Variants in FRMPD4 observed in about 807,000 individuals in gnomAD.
FRMPD4 encodes FERM and PDZ domain containing 4, also known as FERM and PDZ domain-containing protein 4.
Under a neutral mutation model 94.1 loss-of-function variants are expected in FRMPD4, and 22 were observed. The observed-to-expected ratio is 0.23, with a 90% CI of 0.17 to 0.33. The LOEUF (loss-of-function observed/expected upper bound fraction) is 0.33. Ranked by LOEUF, FRMPD4 falls within the 10% of genes least tolerant of loss-of-function variation. FRMPD4 has a pLI of 1.00. For missense variants in FRMPD4, 1,111 were observed against 1,339.9 expected (o/e 0.83, Z 2.67); for synonymous variants, 631 against 548.6 (o/e 1.15, Z -2.10).
At chrX:12,449,914 G>A (rs113134498) in intron 1 of FRMPD4, among the ~76,000 whole-genome samples, 1 of 109,834 alleles carries the variant, frequency 9.1e-6, no homozygotes, top group Admixed American at 9.6e-5. Context: ...TCTTGAGCCT[G>A]GGAGGTGGAG....
rs2042095460 is a variant in FRMPD4 at position 12,716,791 on chromosome X, G to A, written c.2332G>A (p.Asp778Asn). The change falls in exon 15 of 17, where the codon GAT (aspartate) becomes AAT (asparagine). Residue 778 changes from aspartate (D) to asparagine (N), a missense_variant. Physicochemically the swap from Asp to Asn is conservative, Grantham distance 23. This residue lies in a region of FRMPD4 where 3 missense variants were observed against 16.8 expected (regional missense o/e 0.18). Transcript: ENST00000675598. The part of the protein sequence containing the change: ...PAILNLSGSS[D>N]DIIDLTSLPP... The stretch of plus-strand genomic sequence containing the variant: ...CATCCTCAACCTGTCTGGGTCAAGC[G>A]ATGACATCATTGACCTCACATCCCT... The A allele has an allele frequency of 1.7e-6, 2 of 1,208,690 alleles. No individual in the cohort carries two copies. The highest frequency in any genetic ancestry group is 3.0e-5 in the East Asian group (1 of 33,766).
intron 2 of FRMPD4, among the ~76,000 whole-genome samples, chrX:12,532,487 A>T (rs1256150027): frequency 8.9e-6 from 1 of 111,798 alleles, no homozygotes. Flanking sequence ...AGGAATATAA[A>T]CTATAGACTA....
intron 3 of FRMPD4, among the ~76,000 whole-genome samples, chrX:12,011,699 A>G: frequency 9.0e-6 from 1 of 111,332 alleles, no homozygotes; most frequent in Non-Finnish European, 1.9e-5. Flanking sequence ...TGTGATATGG[A>G]GGAATAATTG....
chrX:12,563,602 G>GC (rs1441194287), intron 2 of FRMPD4, among the ~76,000 whole-genome samples: 4 of 111,989 alleles, frequency 3.6e-5, no homozygotes, highest in Non-Finnish European at 7.5e-5. Flanking sequence ...CTATTCAGTT[G>GC]CCTATTAACC....
rs398124273 is a variant in FRMPD4 at position 12,498,670 on chromosome X, T to C, written c.42-10T>C. The C allele has an allele frequency of 2.8e-6, 3 of 1,056,980 alleles. No individual in the cohort carries two copies. Among genetic ancestry groups the C allele is most frequent in the Non-Finnish European group, 2.6e-6 (2 of 759,002 alleles). The allele number at this position is 1,056,980 out of a possible 1,213,427, so 87.1% of individuals were successfully genotyped here. ...AGGTGTAATGATGCTTTTTTTTTTT[T>C]CTTTTCCAGCCACAGGACGAAGTCT... On this transcript the variant is annotated splice_polypyrimidine_tract_variant and intron_variant, in intron 1 of 16. Coordinates refer to ENST00000675598, the MANE Select transcript of FRMPD4 (RefSeq NM_001368397.1).
intron 3 of FRMPD4, among the ~76,000 whole-genome samples, chrX:11,972,111 T>G (rs772646342): frequency 8.9e-6 from 1 of 112,377 alleles, no homozygotes; most frequent in East Asian, 2.8e-4. Flanking sequence ...CTTGACACAG[T>G]TCTGCTCAAG....
chrX:12,342,177 T>A (rs763633816), intron 1 of FRMPD4, among the ~76,000 whole-genome samples: 1 of 112,035 alleles, frequency 8.9e-6, no homozygotes, highest in African/African-American at 3.2e-5. Flanking sequence ...TACAAGACAC[T>A]GTAAAAGGAA....
intron 4 of FRMPD4, among the ~76,000 whole-genome samples, chrX:12,653,403 T>G (rs974764735): frequency 4.4e-5 from 5 of 112,442 alleles, no homozygotes; most frequent in African/African-American, 1.6e-4. Flanking sequence ...GAAGAACCAG[T>G]AGCAATCATT....
At chrX:11,833,657 C>T (rs1487497001) in intron 1 of FRMPD4, among the ~76,000 whole-genome samples, 2 of 111,634 alleles carry the variant, frequency 1.8e-5, no homozygotes, top group Non-Finnish European at 3.8e-5. Context: ...GCAGCCTCTC[C>T]ACCTGGACAC....
chrX:12,421,765 G>GAAAAAAAAA (rs34571736), intron 1 of FRMPD4, among the ~76,000 whole-genome samples: 1 of 69,638 alleles, frequency 1.4e-5, no homozygotes, highest in Non-Finnish European at 2.8e-5. Flanking sequence ...CTATCTCAAA[G>GAAAAAAAAA]AAAAAAAAAA....
intron 3 of FRMPD4, among the ~76,000 whole-genome samples, chrX:11,912,487 C>T (rs771887012): frequency 2.3e-4 from 26 of 111,906 alleles, no homozygotes; most frequent in Middle Eastern, 4.2e-3. Context: ...TATAAAGGCT[C>T]AAATTCCTCC....
chrX:12,707,368 T>A (rs769377539), intron 12 of FRMPD4, 101 bp from the exon 13 acceptor site: 5 of 686,411 alleles, frequency 7.3e-6, no homozygotes, highest in Non-Finnish European at 1.1e-5. Context: ...AGAAACACTT[T>A]CTAAAGAAAA....
intron 1 of FRMPD4, among the ~76,000 whole-genome samples, chrX:11,863,043 G>A (rs180844970): frequency 3.8e-3 from 358 of 94,760 alleles, no homozygotes; most frequent in African/African-American, 0.013. Flanking sequence ...TGTGCACAAC[G>A]TGCAGGTTTG....
chrX:12,166,605 G>A (rs1278066351), intron 1 of FRMPD4, among the ~76,000 whole-genome samples: 1 of 111,501 alleles, frequency 9.0e-6, no homozygotes, highest in Non-Finnish European at 1.9e-5. Context: ...TCTATTGATT[G>A]GAATAGTTTC....
At chrX:12,334,915 C>T (rs2055492730) in intron 1 of FRMPD4, among the ~76,000 whole-genome samples, 1 of 110,560 alleles carries the variant, frequency 9.0e-6, no homozygotes, top group Non-Finnish European at 1.9e-5. Flanking sequence ...TCTTGATATA[C>T]GTTATCTCAT....
At position 12,595,909 on chromosome X, in the gene FRMPD4, T is replaced by C. The variant is rs184133849; in HGVS notation, c.159-13812T>C. On this transcript the variant is annotated intron_variant, in intron 2 of 16. Transcript: ENST00000675598. ...TTTTGAAATGCATGCCTCTAATCTA[T>C]ATGCATTCCAATTCTTGACAGTGGT... Among the ~76,000 whole-genome samples the C allele has an allele frequency of 7.1e-5, 8 of 112,489 alleles. No individual in the cohort carries two copies. In the East Asian group the frequency reaches 2.2e-3, roughly 31 times the overall value.
At chrX:12,141,704 A>G (rs774033184) in intron 1 of FRMPD4, among the ~76,000 whole-genome samples, 39 of 111,534 alleles carry the variant, frequency 3.5e-4, no homozygotes, top group Non-Finnish European at 6.0e-4. Flanking sequence ...TCATGGTTCT[A>G]TCTGAAGATG....
intron 3 of FRMPD4, among the ~76,000 whole-genome samples, chrX:11,917,677 A>T (rs1290243763): frequency 1.8e-5 from 2 of 111,645 alleles, no homozygotes; most frequent in Non-Finnish European, 3.8e-5. Flanking sequence ...AGTGGGAGCT[A>T]AACAATGGGT....
At chrX:12,220,960 A>G (rs2056859222) in intron 1 of FRMPD4, among the ~76,000 whole-genome samples, 1 of 111,804 alleles carries the variant, frequency 8.9e-6, no homozygotes, top group African/African-American at 3.3e-5. Context: ...TTTCTCAAAC[A>G]TGCCCTGAGC....
Sources: gnomAD v4.1 joint callset for allele counts (sites outside exome capture counted in the v4.1 genomes callset) on GRCh38, gnomAD v4.1.1 for gene constraint, gnomAD v4.1.1 regional missense constraint, MANE v1.5 for transcripts, NCBI Gene and HGNC (gene_info 2026-07-23, HGNC 2026-07-21) for gene names.